MED27: variants seen among roughly 807,000 people sequenced by gnomAD.
The protein encoded by MED27 is mediator of RNA polymerase II transcription subunit 27.
A neutral mutation model predicts 38.2 loss-of-function variants in MED27; 30 were observed. That is an observed-to-expected ratio of 0.79 (90% CI 0.59 to 1.07). MED27 has a LOEUF of 1.07. Ranked by LOEUF, MED27 falls within the 50% of genes least tolerant of loss-of-function variation. The pLI is 0.00. For synonymous variants in MED27, 122 were observed against 153.5 expected, an observed-to-expected ratio of 0.79 and a Z score of 1.52; for missense variants, 289 against 397.5, an observed-to-expected ratio of 0.73 and a Z score of 2.32.
intron 2 of MED27, among the ~76,000 whole-genome samples, chr9:132,076,557 C>T (rs777533786): frequency 3.9e-5 from 6 of 152,002 alleles, no homozygotes; most frequent in African/African-American, 4.8e-5. Context: ...ACCACAGAAA[C>T]GAGGAAAATG....
At chr9:131,903,004 T>C (rs1829981129) in intron 4 of MED27, among the ~76,000 whole-genome samples, 2 of 152,170 alleles carry the variant, frequency 1.3e-5, no homozygotes, top group Non-Finnish European at 1.5e-5. Context: ...CTGTCAACCC[T>C]GGAAGGAATG....
intron 1 of MED27, among the ~76,000 whole-genome samples, chr9:132,078,197 C>G (rs985755322): frequency 2.0e-5 from 3 of 152,154 alleles, no homozygotes; most frequent in African/African-American, 7.2e-5. Context: ...CCAACAAGAG[C>G]ACATTCCAGG....
At chr9:131,878,513 A>G (rs1428557597) in intron 6 of MED27, among the ~76,000 whole-genome samples, 1 of 151,894 alleles carries the variant, frequency 6.6e-6, no homozygotes, top group Non-Finnish European at 1.5e-5. Flanking sequence ...GCTGTCCCTT[A>G]CCTCTGATGA....
intron 3 of MED27, among the ~76,000 whole-genome samples, chr9:131,972,186 G>A (rs554151842): frequency 2.6e-5 from 4 of 152,198 alleles, no homozygotes; most frequent in Non-Finnish European, 4.4e-5. Context: ...CTGGAGGAAT[G>A]AGTACTAAAA....
chr9:132,010,229 A>G (rs1408885402), intron 3 of MED27, among the ~76,000 whole-genome samples: 1 of 152,220 alleles, frequency 6.6e-6, no homozygotes, highest in Non-Finnish European at 1.5e-5. Flanking sequence ...AAGGATATGA[A>G]CAGACACTTC....
chr9:131,862,957 G>A lies in MED27; in HGVS notation c.801+106C>T, dbSNP rs1175542076. 1.1e-6 allele frequency: 1 copy of A among 883,890 alleles called. No homozygotes were observed. The highest frequency in any genetic ancestry group is 2.2e-5 in the Admixed American group (1 of 45,514). 54.8% of individuals were successfully genotyped at this position (883,890 alleles called of 1,614,324 possible). On this transcript the variant is annotated intron_variant, in intron 7 of 7. Coordinates refer to ENST00000292035, the MANE Select transcript of MED27 (RefSeq NM_004269.4). This position sits in a 1 kb window ranked among gnomAD's most constrained non-coding sequence, Gnocchi z 4.6. ...AACTGGCAGCCCCATCTCCCACTGG[G>A]AGGCCCTCAAAGTCTGAAGATGCAA...
At chr9:131,935,557 G>T (rs1830666314) in intron 4 of MED27, among the ~76,000 whole-genome samples, 1 of 152,064 alleles carries the variant, frequency 6.6e-6, no homozygotes, top group Admixed American at 6.6e-5. Flanking sequence ...CACCATCAGG[G>T]ATACAGCTCA....
intron 3 of MED27, among the ~76,000 whole-genome samples, chr9:131,965,989 C>G (rs533704659): frequency 2.5e-4 from 38 of 150,442 alleles, no homozygotes; most frequent in African/African-American, 9.0e-4. Context: ...TTCAGAGACC[C>G]GGGAGTCTTT....
At chr9:132,063,642 C>G (rs925143365) in intron 2 of MED27, among the ~76,000 whole-genome samples, 11 of 152,206 alleles carry the variant, frequency 7.2e-5, no homozygotes, top group African/African-American at 2.7e-4. Flanking sequence ...CCTCCATAAT[C>G]CTCTGCTAGT....
At chr9:131,983,670 ATGC>A (rs1477631362) in intron 3 of MED27, among the ~76,000 whole-genome samples, 1 of 152,198 alleles carries the variant, frequency 6.6e-6, no homozygotes, top group Non-Finnish European at 1.5e-5. Context: ...ATTTTCAATC[ATGC>A]AGAGGTAGGT....
At position 132,047,789 on chromosome 9, in the gene MED27, A is replaced by T. The variant is rs796742199; in HGVS notation, c.348+29653T>A. Among the ~76,000 whole-genome samples the T allele has an allele frequency of 8.9e-4, 135 of 152,326 alleles. 1 individual carries two copies. Among genetic ancestry groups the T allele is most frequent in the African/African-American group, 3.2e-3 (132 of 41,564 alleles). On this transcript the variant is annotated intron_variant, in intron 2 of 7. Transcript: ENST00000292035. Reference sequence around the variant, plus strand: ...TAATAACATTATCATATAATATCATAAAAATTCGTAAGCTATAGTGGGAAA... The same window carrying T: ...TAATAACATTATCATATAATATCATTAAAATTCGTAAGCTATAGTGGGAAA...
intron 3 of MED27, among the ~76,000 whole-genome samples, chr9:131,996,641 C>A (rs1347403720): frequency 6.6e-6 from 1 of 152,156 alleles, no homozygotes; most frequent in African/African-American, 2.4e-5. Flanking sequence ...AAGTGTCTGG[C>A]AGTGAAGAAC....
chr9:131,994,133 G>T (rs1471372030), intron 3 of MED27, among the ~76,000 whole-genome samples: 1 of 152,186 alleles, frequency 6.6e-6, no homozygotes, highest in Non-Finnish European at 1.5e-5. Context: ...GAAGTTTGGT[G>T]ATGTTTTGCT....
At chr9:131,891,355 G>A (rs1721923328) in intron 5 of MED27, among the ~76,000 whole-genome samples, 1 of 152,230 alleles carries the variant, frequency 6.6e-6, no homozygotes, top group African/African-American at 2.4e-5. Flanking sequence ...GCATTTAGAC[G>A]CCTTGCAGAG....
chr9:131,914,328 C>A (rs7865875), intron 4 of MED27, among the ~76,000 whole-genome samples: 5,016 of 152,224 alleles, frequency 0.033, 294 homozygotes, highest in African/African-American at 0.11. Context: ...CTTTGGAGTC[C>A]GGCTGACTGA....
At chr9:132,060,675 G>A (rs534489556) in intron 2 of MED27, among the ~76,000 whole-genome samples, 3 of 152,222 alleles carry the variant, frequency 2.0e-5, no homozygotes, top group African/African-American at 4.8e-5. Context: ...CCAGCTGGGC[G>A]CAGTGGCTCA....
At chr9:132,000,106 GATCAAAAGTAA>G (rs1244909376) in intron 3 of MED27, among the ~76,000 whole-genome samples, 1 of 138,182 alleles carries the variant, frequency 7.2e-6, no homozygotes, top group African/African-American at 2.8e-5. Context: ...AATCACTTTT[GATCAAAAGTAA>G]AATCACTTTT....
rs1358167961 is a variant in MED27, at chr9:131,861,554, C to T, written c.802-882G>A. Among the ~76,000 whole-genome samples the T allele has an allele frequency of 6.6e-6, 1 of 152,188 alleles. No homozygotes were observed. The highest frequency in any genetic ancestry group is 2.4e-5 in the African/African-American group (1 of 41,432). On this transcript the variant is annotated intron_variant, in intron 7 of 7. Coordinates refer to ENST00000292035, the MANE Select transcript of MED27 (RefSeq NM_004269.4). This position sits in a 1 kb window ranked among gnomAD's most constrained non-coding sequence, Gnocchi z 4.4. ...TGGCCCATCAGTACTGTCCCCCTTT[C>T]CAAAGGCCAGGTGTTTGGGGGTTTT...
chr9:131,935,086 G>C (rs1457073064), intron 4 of MED27, among the ~76,000 whole-genome samples: 7 of 152,134 alleles, frequency 4.6e-5, no homozygotes, highest in Non-Finnish European at 7.4e-5. Flanking sequence ...TGGGAGTATG[G>C]GGGCAGGATA....
Sources: allele counts gnomAD v4.1 joint callset (sites outside exome capture counted in the v4.1 genomes callset), GRCh38; gene constraint gnomAD v4.1.1; non-coding constraint Gnocchi (gnomAD v3.1); transcripts MANE v1.5; gene names NCBI Gene and HGNC (gene_info 2026-07-23, HGNC 2026-07-21).